BCL2: variants seen among roughly 807,000 people sequenced by gnomAD.
The protein encoded by BCL2 is apoptosis regulator Bcl-2.
Under a neutral mutation model 14.2 loss-of-function variants are expected in BCL2, and 1 was observed. The observed-to-expected ratio is 0.07, with a 90% CI of 0.02 to 0.33. The LOEUF (loss-of-function observed/expected upper bound fraction) is 0.33, where lower values mean the gene tolerates loss of function less well. Among genes scored for constraint, BCL2 ranks in the 10% least tolerant of loss-of-function variants. The pLI is 0.99. For missense variants in BCL2, 247 were observed against 305.9 expected (o/e 0.81, Z 1.44); for synonymous variants, 151 against 137.2 (o/e 1.10, Z -0.70).
chr18:63,224,481 A>G (rs979730021), intron 2 of BCL2, among the ~76,000 whole-genome samples: 20 of 152,242 alleles, frequency 1.3e-4, no homozygotes, highest in Non-Finnish European at 2.6e-4. Flanking sequence ...ACATTGGGAG[A>G]TTGCGTGCAA....
chr18:63,263,382 T>G (rs563816741), intron 2 of BCL2, among the ~76,000 whole-genome samples: 23 of 152,292 alleles, frequency 1.5e-4, no homozygotes, highest in African/African-American at 5.5e-4. Flanking sequence ...GACTACAGAT[T>G]TTTAAAACCT....
At chr18:63,198,543 CAGACACACAT>C (rs1300806531) in intron 2 of BCL2, among the ~76,000 whole-genome samples, 1 of 145,176 alleles carries the variant, frequency 6.9e-6, no homozygotes, top group Non-Finnish European at 1.5e-5. Context: ...CATTGACACA[CAGACACACAT>C]AGACACAGAC....
intron 2 of BCL2, among the ~76,000 whole-genome samples, chr18:63,290,866 T>A (rs537978823): frequency 1.3e-5 from 2 of 152,282 alleles, no homozygotes; most frequent in African/African-American, 2.4e-5. Context: ...GGGCCGAATG[T>A]TTCTTTCCTA....
chr18:63,198,527 GAC>G (rs1216025891), intron 2 of BCL2, among the ~76,000 whole-genome samples: 9 of 121,088 alleles, frequency 7.4e-5, no homozygotes, highest in Admixed American at 6.9e-4. Flanking sequence ...CATAGACACA[GAC>G]ACACATTGAC....
At chr18:63,178,017 C>A (rs1252549464) in intron 2 of BCL2, among the ~76,000 whole-genome samples, 1 of 152,138 alleles carries the variant, frequency 6.6e-6, no homozygotes, top group Non-Finnish European at 1.5e-5. Flanking sequence ...GCTCACAGTC[C>A]CAGTGTGAGC....
intron 2 of BCL2, among the ~76,000 whole-genome samples, chr18:63,225,607 G>A (rs937316243): frequency 8.5e-5 from 13 of 152,184 alleles, no homozygotes; most frequent in African/African-American, 3.1e-4. Flanking sequence ...TTATTTCCCT[G>A]AACGCTTCAT....
rs1274810336 is a variant in BCL2, at chr18:63,124,472, A to G, written c.*4153T>C. On this transcript the variant is annotated 3_prime_UTR_variant, in exon 3 of 3. Transcript: ENST00000333681. ...TCAAAATGTTTCTCATTTGTCACACAAGGTTCTTCGCAGAGGCATCACATC... is the reference window on the plus strand; with the variant it reads ...TCAAAATGTTTCTCATTTGTCACACGAGGTTCTTCGCAGAGGCATCACATC... The G allele has an allele frequency of 4.3e-6, 1 of 231,770 alleles. No homozygotes were observed. Among genetic ancestry groups the G allele is most frequent in the East Asian group, 6.1e-5 (1 of 16,518 alleles). 14.4% of individuals were successfully genotyped at this position (231,770 alleles called of 1,614,324 possible).
chr18:63,158,860 G>A (rs1914847983), intron 2 of BCL2, among the ~76,000 whole-genome samples: 1 of 152,136 alleles, frequency 6.6e-6, no homozygotes, highest in Non-Finnish European at 1.5e-5. Context: ...AATCATGTGA[G>A]TATAGATTTA....
chr18:63,294,118 A>G (rs758945004), intron 2 of BCL2, among the ~76,000 whole-genome samples: 1 of 152,118 alleles, frequency 6.6e-6, no homozygotes, highest in Admixed American at 6.5e-5. Flanking sequence ...CTGCCTTGGT[A>G]TGTAGACCAA....
chr18:63,181,414 C>T (rs990212106), intron 2 of BCL2, among the ~76,000 whole-genome samples: 3 of 152,186 alleles, frequency 2.0e-5, no homozygotes, highest in African/African-American at 7.2e-5. Context: ...CTTAGCTTTG[C>T]GATTGGGACC....
intron 2 of BCL2, among the ~76,000 whole-genome samples, chr18:63,248,703 T>C (rs1911220219): frequency 6.6e-6 from 1 of 152,168 alleles, no homozygotes; most frequent in South Asian, 2.1e-4. Context: ...CATCAGTAAT[T>C]CGGTGGGATA....
At chr18:63,184,589 C>T (rs1915548256) in intron 2 of BCL2, among the ~76,000 whole-genome samples, 1 of 152,218 alleles carries the variant, frequency 6.6e-6, no homozygotes. Flanking sequence ...CCATCTGGGG[C>T]ATTTGCCTGA....
chr18:63,231,469 A>G (rs1910685756), intron 2 of BCL2, among the ~76,000 whole-genome samples: 1 of 152,068 alleles, frequency 6.6e-6, no homozygotes, highest in Admixed American at 6.5e-5. Context: ...ATGAGAAACT[A>G]TGAACAATTA....
chr18:63,162,832 C>T (rs1914955228), intron 2 of BCL2, among the ~76,000 whole-genome samples: 1 of 151,866 alleles, frequency 6.6e-6, no homozygotes, highest in African/African-American at 2.4e-5. Context: ...TCCTTCCTTC[C>T]TTCTTTCCAT....
At chr18:63,286,185 A>G (rs1912468299) in intron 2 of BCL2, among the ~76,000 whole-genome samples, 1 of 152,234 alleles carries the variant, frequency 6.6e-6, no homozygotes, top group South Asian at 2.1e-4. Context: ...TTAAAATGAG[A>G]GCATAATGTA....
chr18:63,317,723 G>T (rs1913540709), intron 2 of BCL2: 1 of 1,118,694 alleles, frequency 8.9e-7, no homozygotes, highest in Non-Finnish European at 1.1e-6. Context: ...ACCTCCCTCC[G>T]GTTCCAACAA....
chr18:63,260,409 T>C (rs1214555322), intron 2 of BCL2, among the ~76,000 whole-genome samples: 3 of 152,214 alleles, frequency 2.0e-5, no homozygotes, highest in Non-Finnish European at 4.4e-5. Context: ...ATTGAAGGCT[T>C]CAAGATCTCA....
intron 2 of BCL2, among the ~76,000 whole-genome samples, chr18:63,273,563 C>T (rs906833697): frequency 1.3e-5 from 2 of 152,202 alleles, no homozygotes; most frequent in Non-Finnish European, 2.9e-5. Context: ...ATCTGTCCTT[C>T]GATTGCTAGG....
Position 63,169,337 on chromosome 18 carries a change from CT to C in BCL2, c.586-40579del, listed in dbSNP as rs1374628255. Among the ~76,000 whole-genome samples, 9 of 11,192 alleles carry C rather than the reference CT, an allele frequency of 8.0e-4. 1 individual carries two copies. Among genetic ancestry groups the C allele is most frequent in the South Asian group, 5.4e-3 (1 of 186 alleles). 7.3% of individuals were successfully genotyped at this position (11,192 alleles called of 152,430 possible). The stretch of plus-strand genomic sequence containing the variant: ...CTTCCTTCCTTCTTTCCTTTCCTTC[CT>C]TTCTTTCTTTCTTTCTTTCTTTCTT... On this transcript the variant is annotated intron_variant, in intron 2 of 2. Coordinates refer to ENST00000333681, the MANE Select transcript of BCL2 (RefSeq NM_000633.3).
Sources: allele counts gnomAD v4.1 joint callset (sites outside exome capture counted in the v4.1 genomes callset), GRCh38; gene constraint gnomAD v4.1.1; transcripts MANE v1.5; gene names NCBI Gene and HGNC (gene_info 2026-07-23, HGNC 2026-07-21).